UPRT: variants seen among roughly 807,000 people sequenced by gnomAD.
The protein encoded by UPRT is uracil phosphoribosyltransferase homolog.
Under a neutral mutation model 22.6 loss-of-function variants are expected in UPRT, and 5 were observed. The observed-to-expected ratio is 0.22, with a 90% confidence interval of 0.12 to 0.47. The LOEUF is 0.47. Among genes scored for constraint, UPRT ranks in the 20% least tolerant of loss-of-function variants. The pLI, the probability that UPRT is intolerant of heterozygous loss-of-function variation, is 0.99. For synonymous variants in UPRT, 77 were observed against 87.7 expected, an observed-to-expected ratio of 0.88 and a Z score of 0.68; for missense variants, 181 against 239.9, an observed-to-expected ratio of 0.75 and a Z score of 1.62.
At chrX:75,253,626 G>A (rs946129224) in intron 4 of UPRT, among the ~76,000 whole-genome samples, 22 of 111,999 alleles carry the variant, frequency 2.0e-4, no homozygotes, top group East Asian at 5.6e-4. Flanking sequence ...GCCTCAGATC[G>A]TAAATTTTTC....
chrX:75,244,260 T>C (rs1294503602), intron 4 of UPRT, among the ~76,000 whole-genome samples: 1 of 110,123 alleles, frequency 9.1e-6, no homozygotes, highest in African/African-American at 3.4e-5. Flanking sequence ...CTGTTACTCA[T>C]ACTTCTTTGA....
intron 4 of UPRT, among the ~76,000 whole-genome samples, chrX:75,196,985 G>A (rs1214620950): frequency 9.0e-6 from 1 of 111,626 alleles, no homozygotes; most frequent in Non-Finnish European, 1.9e-5. Flanking sequence ...AATCCGTTGG[G>A]ATGTTAGGGG....
At position 75,223,820 on chromosome X, in the gene UPRT, T is replaced by C. The variant is rs770889313; in HGVS notation, c.-447+55941T>C. ...AAAAGCAGGTACTGTGATCAGTCAT[T>C]TGATTTTTGGTTCTCATGAAGGTTT... On this transcript the variant is annotated intron_variant, in intron 4 of 13. Transcript: ENST00000652605. Among the ~76,000 whole-genome samples the C allele has an allele frequency of 3.6e-5, 4 of 111,965 alleles. No homozygotes were observed. In the South Asian group the frequency reaches 1.5e-3, roughly 42 times the overall value.
At chrX:75,193,894 G>A (rs1177824692) in intron 4 of UPRT, among the ~76,000 whole-genome samples, 2 of 111,347 alleles carry the variant, frequency 1.8e-5, no homozygotes, top group African/African-American at 6.5e-5. Flanking sequence ...ATTAGGTTTT[G>A]ACTTTCTCTC....
At chrX:75,187,295 TG>T (rs1432475580) in intron 4 of UPRT, among the ~76,000 whole-genome samples, 6 of 111,313 alleles carry the variant, frequency 5.4e-5, no homozygotes, top group Admixed American at 9.5e-5. Flanking sequence ...TTAGTTTGGC[TG>T]GATATGAAAT....
chrX:75,175,597 C>T (rs1434202905), intron 4 of UPRT, among the ~76,000 whole-genome samples: 1 of 111,975 alleles, frequency 8.9e-6, no homozygotes, highest in Non-Finnish European at 1.9e-5. Context: ...CACCCTCAGT[C>T]CTGTTGTTGG....
chrX:75,226,993 C>T (rs2082425411), intron 4 of UPRT, among the ~76,000 whole-genome samples: 1 of 110,833 alleles, frequency 9.0e-6, no homozygotes, highest in South Asian at 3.8e-4. Flanking sequence ...AAACAGAAGG[C>T]TTAAGACCTC....
chrX:75,170,048 T>C (rs1171578198), intron 4 of UPRT, among the ~76,000 whole-genome samples: 1 of 103,621 alleles, frequency 9.7e-6, no homozygotes, highest in East Asian at 3.0e-4. Flanking sequence ...TTTTTTTTTT[T>C]TTTTTTGAGA....
chrX:75,235,479 A>T (rs1420841480), intron 4 of UPRT, among the ~76,000 whole-genome samples: 3 of 111,906 alleles, frequency 2.7e-5, no homozygotes, highest in African/African-American at 9.8e-5. Context: ...GCAGGGACAC[A>T]ACCAATAAAG....
intron 4 of UPRT, among the ~76,000 whole-genome samples, chrX:75,227,794 G>C (rs1331461281): frequency 1.8e-5 from 2 of 112,495 alleles, no homozygotes; most frequent in Non-Finnish European, 3.8e-5. Context: ...GTACATGTTA[G>C]TTCAGGCTTC....
intron 4 of UPRT, among the ~76,000 whole-genome samples, chrX:75,202,407 G>A (rs1272434241): frequency 9.0e-6 from 1 of 111,033 alleles, no homozygotes; most frequent in Non-Finnish European, 1.9e-5. Context: ...TGGAGACACA[G>A]CCTGGACAGC....
At chrX:75,166,798 T>A (rs1399326063) in intron 3 of UPRT, among the ~76,000 whole-genome samples, 1 of 112,283 alleles carries the variant, frequency 8.9e-6, no homozygotes, top group Non-Finnish European at 1.9e-5. Flanking sequence ...TACACTTGCC[T>A]TCTTTTAAAT....
intron 4 of UPRT, among the ~76,000 whole-genome samples, chrX:75,234,427 C>G (rs914830568): frequency 4.5e-5 from 5 of 111,218 alleles, no homozygotes; most frequent in Admixed American, 9.6e-5. Flanking sequence ...AGCTCTGTAC[C>G]AAGCAGACCT....
At chrX:75,276,080 C>T (rs188433597) in intron 1 of UPRT, among the ~76,000 whole-genome samples, 25 of 111,493 alleles carry the variant, frequency 2.2e-4, no homozygotes, top group African/African-American at 7.2e-4. Context: ...TCTGTTTCTG[C>T]TCTCATCTGG....
intron 4 of UPRT, among the ~76,000 whole-genome samples, chrX:75,253,151 C>A (rs1034500142): frequency 1.8e-5 from 2 of 111,135 alleles, no homozygotes; most frequent in Non-Finnish European, 3.8e-5. Flanking sequence ...ATTAACAAAC[C>A]TGCACGTTGT....
intron 4 of UPRT, among the ~76,000 whole-genome samples, chrX:75,239,286 A>C (rs1000815226): frequency 8.9e-6 from 1 of 111,916 alleles, no homozygotes; most frequent in African/African-American, 3.2e-5. Context: ...ATTACATCCC[A>C]TAGCACAGAA....
At chrX:75,180,681 G>GTTTTTTTT (rs59522302) in intron 4 of UPRT, among the ~76,000 whole-genome samples, 2 of 43,890 alleles carry the variant, frequency 4.6e-5, no homozygotes, top group Admixed American at 3.6e-4. Context: ...CCTTTTCTCT[G>GTTTTTTTT]TTTTTTTTTT....
At chrX:75,250,639 G>T (rs1602473873) in intron 4 of UPRT, among the ~76,000 whole-genome samples, 1 of 111,117 alleles carries the variant, frequency 9.0e-6, no homozygotes, top group Non-Finnish European at 1.9e-5. Flanking sequence ...GGTACAAGGA[G>T]GAGCTGGTAC....
In UPRT at chrX:75,163,736, A is replaced by G. The variant is rs189098718; in HGVS notation, c.-521+511A>G. Among the ~76,000 whole-genome samples, 4 of 112,327 alleles carry G rather than the reference A, an allele frequency of 3.6e-5. No individual in the cohort carries two copies. In the East Asian group the frequency reaches 1.1e-3, roughly 31 times the overall value. On this transcript the variant is annotated intron_variant, in intron 3 of 13. Transcript: ENST00000652605. The stretch of plus-strand genomic sequence containing the variant: ...CAAAATGTGGTATATCCATACAATA[A>G]AATTGCTATGGTTTAAGTATGTCCC...
Sources: allele counts gnomAD v4.1 joint callset (sites outside exome capture counted in the v4.1 genomes callset), GRCh38; gene constraint gnomAD v4.1.1; transcripts MANE v1.5; gene names NCBI Gene and HGNC (gene_info 2026-07-23, HGNC 2026-07-21).